Variants in QRSL1 observed in about 807,000 individuals in gnomAD.
The protein encoded by QRSL1 is glutamyl-tRNA(Gln) amidotransferase subunit A, mitochondrial.
Under a neutral mutation model 61.6 loss-of-function variants are expected in QRSL1, and 54 were observed. The ratio of observed to expected loss-of-function variants is 0.88; its 90% CI spans 0.70 to 1.10. The LOEUF is 1.10. QRSL1 is among the 50% of genes least tolerant of loss of function. The probability of loss-of-function intolerance (pLI) is 0.00; values close to 1 mark genes in which losing one functional copy is unlikely to be tolerated. For synonymous variants in QRSL1, 228 were observed against 225.7 expected, an observed-to-expected ratio of 1.01 and a Z score of -0.09; for missense variants, 505 against 622.6, an observed-to-expected ratio of 0.81 and a Z score of 2.01.
rs1242347339 is a variant in QRSL1 at position 106,639,674 on chromosome 6, C to T, written c.25-675C>T. ...CTTCCTACAGGAAATATTAGACACT[C>T]ATCACTCCATCTTAGGCCCTACTTC... On this transcript the variant is annotated intron_variant, in intron 1 of 10. Transcript: ENST00000369046. Among the ~76,000 whole-genome samples, 3 of 152,134 alleles carry T rather than the reference C, an allele frequency of 2.0e-5. No homozygotes were observed. In the South Asian group the frequency reaches 6.2e-4, roughly 31 times the overall value.
intron 9 of QRSL1, among the ~76,000 whole-genome samples, chr6:106,661,258 C>T (rs375004225): frequency 2.0e-5 from 3 of 151,960 alleles, no homozygotes; most frequent in Non-Finnish European, 4.4e-5. Context: ...GGACTACAGG[C>T]GCCCACCACC....
chr6:106,640,907 C>A lies in QRSL1; in HGVS notation c.269C>A (p.Ser90Ter). Residue 90 changes from serine to a stop codon, truncating the protein, a stop_gained, in exon 3 of 11, where the codon TCA (serine) becomes TAA (stop). Coordinates refer to ENST00000369046, the MANE Select transcript of QRSL1 (RefSeq NM_018292.5). LOFTEE classifies it high-confidence loss of function. ...STSGIETTCA[S>*]NMLKGYIPPY... Reference sequence around the variant, plus strand: ...TCTGGCATTGAGACAACATGTGCATCAAATATGCTGAAAGGTAAAGTTTAA... The same window carrying A: ...TCTGGCATTGAGACAACATGTGCATAAAATATGCTGAAAGGTAAAGTTTAA... The A allele has an allele frequency of 6.2e-7, 1 of 1,612,370 alleles. No homozygotes were observed. The highest frequency in any genetic ancestry group is 8.5e-7 in the Non-Finnish European group (1 of 1,178,830).
chr6:106,646,422 A>T (rs72613239), intron 4 of QRSL1, among the ~76,000 whole-genome samples: 12,776 of 152,222 alleles, frequency 0.084, 739 homozygotes, highest in East Asian at 0.28. Context: ...TTAAAATATC[A>T]TATGAAAACA....
Position 106,652,525 on chromosome 6 carries a change from A to C in QRSL1, c.792A>C (p.Lys264Asn), listed in dbSNP as rs779144840. 6.2e-7 allele frequency: 1 copy of C among 1,614,038 alleles called. No individual in the cohort carries two copies. Among genetic ancestry groups the C allele is most frequent in the Non-Finnish European group, 8.5e-7 (1 of 1,180,036 alleles). ...DSTTVHEPIN[K>N]PFMLPSLADV... Reference sequence around the variant, plus strand: ...CCACAGTACATGAACCTATTAATAAACCATTCATGCTTCCCAGTTTGGCAG... The same window carrying C: ...CCACAGTACATGAACCTATTAATAACCCATTCATGCTTCCCAGTTTGGCAG... Residue 264 changes from lysine (K) to asparagine (N), a missense_variant, in exon 7 of 11, where the codon AAA becomes AAC. Lys to Asn is a moderately conservative substitution (Grantham distance 94). Coordinates refer to ENST00000369046, the MANE Select transcript of QRSL1 (RefSeq NM_018292.5).
In QRSL1 at chr6:106,667,135, T is replaced by C. The variant is rs1777449946; in HGVS notation, c.*1133T>C. On this transcript the variant is annotated 3_prime_UTR_variant, in exon 11 of 11. Transcript: ENST00000369046. The stretch of plus-strand genomic sequence containing the variant: ...TGGAAACTTGGTAGATAGCAGAGCA[T>C]GGTATTAGTGAAAAAGGTTCAAAAT... 6.6e-6 allele frequency: 1 copy of C among 152,204 alleles called. No homozygotes were observed. The highest frequency in any genetic ancestry group is 2.1e-4 in the South Asian group (1 of 4,832). 9.4% of individuals were successfully genotyped at this position (152,204 alleles called of 1,614,324 possible).
chr6:106,640,212 A>G lies in QRSL1; in HGVS notation c.25-137A>G, dbSNP rs948096284. The G allele has an allele frequency of 2.3e-5, 16 of 708,878 alleles. No homozygotes were observed. The Middle Eastern group carries it at 1.5e-3, about 65-fold the overall frequency. 43.9% of individuals were successfully genotyped at this position (708,878 alleles called of 1,614,324 possible). On this transcript the variant is annotated intron_variant, in intron 1 of 10. Transcript: ENST00000369046. Reference sequence around the variant, plus strand: ...CCACTACACTAAGTGTAGAGGTAATAGGTTCTCTTGATTTTGAACCCAAGC... The same window carrying G: ...CCACTACACTAAGTGTAGAGGTAATGGGTTCTCTTGATTTTGAACCCAAGC...
At chr6:106,649,663 A>G (rs1290687866) in intron 5 of QRSL1, among the ~76,000 whole-genome samples, 3 of 152,240 alleles carry the variant, frequency 2.0e-5, no homozygotes, top group South Asian at 2.1e-4. Flanking sequence ...ATATGTATTA[A>G]TAAGATATTT....
intron 4 of QRSL1, among the ~76,000 whole-genome samples, chr6:106,645,429 CTT>C (rs770177768): frequency 6.9e-6 from 1 of 145,804 alleles, no homozygotes; most frequent in Non-Finnish European, 1.5e-5. Context: ...TGTTTCTTTT[CTT>C]TTTTTTTTTG....
At chr6:106,654,973 A>T (rs757810663) in intron 8 of QRSL1, 51 bp downstream of exon 8, 1 of 1,466,068 alleles carries the variant, frequency 6.8e-7, no homozygotes, top group South Asian at 1.4e-5. Context: ...CAAACATTTG[A>T]AAAGTTCACT....
intron 1 of QRSL1, among the ~76,000 whole-genome samples, chr6:106,634,474 G>T (rs1776889541): frequency 1.3e-5 from 2 of 152,178 alleles, no homozygotes; most frequent in Non-Finnish European, 1.5e-5. Context: ...AAGTAATAAA[G>T]CACAAAGACT....
At chr6:106,647,667 T>TG (rs1179133757) in intron 4 of QRSL1, among the ~76,000 whole-genome samples, 2 of 140,230 alleles carry the variant, frequency 1.4e-5, no homozygotes, top group East Asian at 4.2e-4. Flanking sequence ...TTTTTTTTTT[T>TG]TGAGATGGAG....
chr6:106,642,412 G>A, intron 3 of QRSL1: 1 of 526,038 alleles, frequency 1.9e-6, no homozygotes, highest in Non-Finnish European at 3.5e-6. Flanking sequence ...CTATAAAAAG[G>A]TAACTGGCCT....
chr6:106,646,204 A>C (rs1777103292), intron 4 of QRSL1, among the ~76,000 whole-genome samples: 1 of 152,216 alleles, frequency 6.6e-6, no homozygotes, highest in African/African-American at 2.4e-5. Context: ...AATCCATGAG[A>C]GTATATTTGA....
intron 1 of QRSL1, among the ~76,000 whole-genome samples, chr6:106,629,928 TG>T (rs1397559263): frequency 1.3e-5 from 2 of 151,924 alleles, no homozygotes; most frequent in Non-Finnish European, 2.9e-5. Context: ...ATCTGTAGGG[TG>T]GTGAAGCGGC....
chr6:106,631,445 T>A (rs1263221120), intron 1 of QRSL1, among the ~76,000 whole-genome samples: 2 of 152,180 alleles, frequency 1.3e-5, no homozygotes, highest in African/African-American at 4.8e-5. Context: ...TCAAGAAGGT[T>A]GAGGCAAGGG....
intron 1 of QRSL1, among the ~76,000 whole-genome samples, chr6:106,635,848 G>C (rs1776911606): frequency 6.6e-6 from 1 of 151,048 alleles, no homozygotes; most frequent in Non-Finnish European, 1.5e-5. Context: ...TCCAGCCTGG[G>C]CAACAGAGCG....
chr6:106,640,768 G>GT (rs1478090975), intron 2 of QRSL1, 55 bp from the exon 3 acceptor site: 1 of 1,425,166 alleles, frequency 7.0e-7, no homozygotes, highest in African/African-American at 1.4e-5. Context: ...ATGTATTCAT[G>GT]TATCTTTATA....
At chr6:106,651,794 G>T (rs1777190670) in intron 5 of QRSL1, among the ~76,000 whole-genome samples, 1 of 152,040 alleles carries the variant, frequency 6.6e-6, no homozygotes, top group Non-Finnish European at 1.5e-5. Context: ...GAAAGTGCAA[G>T]ATTTATATGT....
At chr6:106,631,502 TC>T in intron 1 of QRSL1, among the ~76,000 whole-genome samples, 1 of 152,204 alleles carries the variant, frequency 6.6e-6, no homozygotes, top group Admixed American at 6.5e-5. Context: ...TTATTTTGAA[TC>T]AGTTATCCTT....
Sources: gnomAD v4.1 joint callset for allele counts (sites outside exome capture counted in the v4.1 genomes callset) on GRCh38, gnomAD v4.1.1 for gene constraint, MANE v1.5 for transcripts, NCBI Gene and HGNC (gene_info 2026-07-23, HGNC 2026-07-21) for gene names.